Variants in B3GALT1 observed in about 807,000 individuals in gnomAD.
The protein encoded by B3GALT1 is UDP-Gal:betaGlcNAc beta 1,3-galactosyltransferase, polypeptide 1.
B3GALT1 carries 10 observed loss-of-function variants against 23.2 expected under a neutral mutation model. The observed-to-expected ratio is 0.43, with a 90% CI of 0.27 to 0.73. The LOEUF (loss-of-function observed/expected upper bound fraction) is 0.73, where lower values mean the gene tolerates loss of function less well. Ranked by LOEUF, B3GALT1 falls within the 30% of genes least tolerant of loss-of-function variation. The pLI is 0.21. For synonymous variants in B3GALT1, 156 were observed against 141.5 expected (o/e 1.10, Z -0.73); for missense variants, 299 against 405.4 (o/e 0.74, Z 2.25).
At chr2:167,610,928 G>C (rs57867121) in intron 2 of B3GALT1, among the ~76,000 whole-genome samples, 1 of 115,632 alleles carries the variant, frequency 8.6e-6, no homozygotes, top group Non-Finnish European at 1.7e-5. Flanking sequence ...AAAAAAAAAA[G>C]AGAGAGAGAG....
chr2:167,775,234 A>G (rs13008378), intron 3 of B3GALT1, among the ~76,000 whole-genome samples: 148,057 of 152,324 alleles, frequency 0.97, 72,119 homozygotes, highest in Non-Finnish European at 1. Context: ...TGGTACATCC[A>G]AATGATGGCA....
intron 4 of B3GALT1, among the ~76,000 whole-genome samples, chr2:167,826,447 T>C (rs1689231004): frequency 6.6e-6 from 1 of 152,158 alleles, no homozygotes; most frequent in South Asian, 2.1e-4. Flanking sequence ...CTAGACTCAA[T>C]TCCCTGCACA....
At chr2:167,418,117 A>C (rs1227418171) in intron 1 of B3GALT1, among the ~76,000 whole-genome samples, 1 of 152,132 alleles carries the variant, frequency 6.6e-6, no homozygotes, top group Non-Finnish European at 1.5e-5. Context: ...TGGCCATGTT[A>C]TGCTCCTTCG....
At chr2:167,628,788 G>A (rs1210376814) in intron 2 of B3GALT1, among the ~76,000 whole-genome samples, 4 of 151,636 alleles carry the variant, frequency 2.6e-5, no homozygotes, top group Non-Finnish European at 5.9e-5. Flanking sequence ...CATCTTCATT[G>A]TATTAACTGT....
At chr2:167,682,354 G>C (rs1215009549) in intron 3 of B3GALT1, among the ~76,000 whole-genome samples, 1 of 152,092 alleles carries the variant, frequency 6.6e-6, no homozygotes, top group Non-Finnish European at 1.5e-5. Context: ...AATATTATTT[G>C]ATATCTTTGC....
intron 3 of B3GALT1, among the ~76,000 whole-genome samples, chr2:167,761,387 G>T (rs1687897540): frequency 6.6e-6 from 1 of 152,168 alleles, no homozygotes; most frequent in South Asian, 2.1e-4. Flanking sequence ...AAAATTACAG[G>T]TTGGGCACGT....
chr2:167,840,621 T>C (rs1296250996), intron 4 of B3GALT1, among the ~76,000 whole-genome samples: 3 of 150,502 alleles, frequency 2.0e-5, no homozygotes. Context: ...AGTGTGGCGA[T>C]TCCTCAGGGA....
chr2:167,456,527 G>C (rs1191978817), intron 1 of B3GALT1, among the ~76,000 whole-genome samples: 1 of 151,992 alleles, frequency 6.6e-6, no homozygotes, highest in African/African-American at 2.4e-5. Context: ...AAAACTTTTA[G>C]AAGAAAACTA....
chr2:167,483,731 A>G (rs1484120915), intron 1 of B3GALT1, among the ~76,000 whole-genome samples: 1 of 152,216 alleles, frequency 6.6e-6, no homozygotes, highest in Admixed American at 6.5e-5. Flanking sequence ...GCCTTGTAAA[A>G]TAGCTCAATC....
At chr2:167,702,386 A>C (rs1392786071) in intron 3 of B3GALT1, among the ~76,000 whole-genome samples, 2 of 152,216 alleles carry the variant, frequency 1.3e-5, no homozygotes, top group African/African-American at 4.8e-5. Flanking sequence ...TTCCATCTTC[A>C]ATTTCTGGAT....
chr2:167,389,148 G>A (rs964666120), intron 1 of B3GALT1, among the ~76,000 whole-genome samples: 15 of 152,120 alleles, frequency 9.9e-5, no homozygotes, highest in African/African-American at 3.6e-4. Context: ...TAAATTCTGT[G>A]CTTCTGGTGT....
intron 1 of B3GALT1, among the ~76,000 whole-genome samples, chr2:167,353,887 C>T (rs889296630): frequency 6.6e-6 from 1 of 151,908 alleles, no homozygotes; most frequent in African/African-American, 2.4e-5. Context: ...TACAAATCCT[C>T]CTTTTTTTTT....
At position 167,713,776 on chromosome 2, in the gene B3GALT1, A is replaced by G. The variant is rs148734857; in HGVS notation, c.-352+66810A>G. On this transcript the variant is annotated intron_variant, in intron 3 of 4. Coordinates refer to ENST00000392690, the MANE Select transcript of B3GALT1 (RefSeq NM_020981.4). ...GGTTGGGGTAAAATCCAGGTCTTGG[A>G]TGAAAGTAAGGAGGTAAACCCCTCT... 1,415 of 1,591,124 alleles carry G rather than the reference A, an allele frequency of 8.9e-4. 4 individuals are homozygous for G. In the African/African-American group the frequency reaches 0.014, roughly 16 times the overall value.
At chr2:167,598,810 A>G (rs1420859017) in intron 2 of B3GALT1, among the ~76,000 whole-genome samples, 2 of 152,148 alleles carry the variant, frequency 1.3e-5, no homozygotes, top group Admixed American at 6.5e-5. Flanking sequence ...TTCCATTTTT[A>G]TTGGTTTCAG....
chr2:167,831,008 G>A (rs1056480241), intron 4 of B3GALT1, among the ~76,000 whole-genome samples: 16 of 152,210 alleles, frequency 1.1e-4, no homozygotes, highest in Admixed American at 6.5e-5. Flanking sequence ...CATAGTGTAA[G>A]TAGAAATAAA....
At chr2:167,562,601 C>G (rs1684027415) in intron 2 of B3GALT1, among the ~76,000 whole-genome samples, 1 of 151,762 alleles carries the variant, frequency 6.6e-6, no homozygotes, top group Non-Finnish European at 1.5e-5. Flanking sequence ...TAAGCAACTT[C>G]AGCAAAGTCT....
chr2:167,584,330 G>GCTAGTAA (rs1312527194), intron 2 of B3GALT1, among the ~76,000 whole-genome samples: 1 of 152,144 alleles, frequency 6.6e-6, no homozygotes, highest in Non-Finnish European at 1.5e-5. Flanking sequence ...TGAAGCATTT[G>GCTAGTAA]CTAGTAACTA....
At chr2:167,782,116 C>A (rs781602638) in intron 3 of B3GALT1, among the ~76,000 whole-genome samples, 1 of 152,104 alleles carries the variant, frequency 6.6e-6, no homozygotes, top group East Asian at 1.9e-4. Context: ...TGACAGAGAG[C>A]TGACAGCTAA....
chr2:167,444,295 T>C (rs1199276852), intron 1 of B3GALT1, among the ~76,000 whole-genome samples: 1 of 152,202 alleles, frequency 6.6e-6, no homozygotes, highest in Non-Finnish European at 1.5e-5. Context: ...ATTTTTGCAT[T>C]GATGGTCATC....
Sources: gnomAD v4.1 joint callset for allele counts (sites outside exome capture counted in the v4.1 genomes callset) on GRCh38, gnomAD v4.1.1 for gene constraint, MANE v1.5 for transcripts, NCBI Gene and HGNC (gene_info 2026-07-23, HGNC 2026-07-21) for gene names.